Variants in LINGO2 observed in about 807,000 individuals in gnomAD.
LINGO2 encodes leucine-rich repeat and immunoglobulin-like domain-containing nogo receptor-interacting protein 2.
In LINGO2, 14 loss-of-function variants were observed where a neutral mutation model predicts 30.6. The ratio of observed to expected loss-of-function variants is 0.46; its 90% CI spans 0.30 to 0.72. The LOEUF (loss-of-function observed/expected upper bound fraction) is 0.72, where lower values mean the gene tolerates loss of function less well. LINGO2 is among the 30% of genes least tolerant of loss of function. The pLI is 0.07. For missense variants in LINGO2, 729 were observed against 751.7 expected (o/e 0.97, Z 0.35); for synonymous variants, 317 against 288.5 (o/e 1.10, Z -1.00).
At chr9:28,088,840 C>T (rs892474280) in intron 4 of LINGO2, among the ~76,000 whole-genome samples, 7 of 151,964 alleles carry the variant, frequency 4.6e-5, no homozygotes, top group Non-Finnish European at 8.8e-5. Flanking sequence ...CAGAGACACA[C>T]ATAGACTCAA....
At chr9:28,741,258 C>T in the LINGO2 span, among the ~76,000 whole-genome samples, 1 of 151,880 alleles carries the variant, frequency 6.6e-6, no homozygotes, top group Non-Finnish European at 1.5e-5. Flanking sequence ...CCATAGGTGC[C>T]AACGTGGTGC....
chr9:28,190,961 C>G (rs1029890127), intron 4 of LINGO2, among the ~76,000 whole-genome samples: 1 of 152,166 alleles, frequency 6.6e-6, no homozygotes, highest in African/African-American at 2.4e-5. Context: ...AAATAATTTG[C>G]AATTGTGTAA....
chr9:28,011,395 A>G (rs1822546593), intron 5 of LINGO2, among the ~76,000 whole-genome samples: 1 of 152,258 alleles, frequency 6.6e-6, no homozygotes, highest in African/African-American at 2.4e-5. Flanking sequence ...TAGCAAGAAT[A>G]GAGAGTACAG....
intron 1 of LINGO2, among the ~76,000 whole-genome samples, chr9:28,577,648 C>A (rs1587898081): frequency 6.6e-6 from 1 of 152,154 alleles, no homozygotes; most frequent in African/African-American, 2.4e-5. Flanking sequence ...GGGCAGCAGG[C>A]AAGATGAAAC....
At chr9:29,065,704 T>A in the LINGO2 span, among the ~76,000 whole-genome samples, 7 of 151,920 alleles carry the variant, frequency 4.6e-5, no homozygotes, top group African/African-American at 1.2e-4. Context: ...GGCTTCAACC[T>A]CATTCAACAA....
At chr9:28,374,517 G>A (rs1821044860) in intron 2 of LINGO2, among the ~76,000 whole-genome samples, 1 of 152,006 alleles carries the variant, frequency 6.6e-6, no homozygotes, top group Non-Finnish European at 1.5e-5. Context: ...CTTATTAGGT[G>A]GGTCCCTAGA....
In LINGO2 at chr9:28,293,631, C is replaced by A. The variant is rs146505618; in HGVS notation, c.-87+1577G>T. On this transcript the variant is annotated intron_variant, in intron 4 of 5. Transcript: ENST00000379992. Reference sequence around the variant, plus strand: ...ATGGTATTGTCCAATTCTTCTAAATCCTTGCTGATTTTCTGTCTGCTGGTT... The same window carrying A: ...ATGGTATTGTCCAATTCTTCTAAATACTTGCTGATTTTCTGTCTGCTGGTT... 1.7e-3 allele frequency among the ~76,000 whole-genome samples: 264 copies of A among 152,002 alleles called. 1 individual carries two copies. The highest frequency in any genetic ancestry group is 6.2e-3 in the African/African-American group (256 of 41,468).
At chr9:28,856,843 G>A in the LINGO2 span, among the ~76,000 whole-genome samples, 4 of 152,106 alleles carry the variant, frequency 2.6e-5, no homozygotes, top group South Asian at 8.3e-4. Context: ...AATGATATTA[G>A]TCTGGCTAAA....
At chr9:28,213,502 T>C (rs1024647817) in intron 4 of LINGO2, among the ~76,000 whole-genome samples, 6 of 151,502 alleles carry the variant, frequency 4.0e-5, no homozygotes, top group African/African-American at 1.5e-4. Context: ...AATTATCTAT[T>C]TGGCAACTAG....
chr9:28,915,080 C>T, the LINGO2 span, among the ~76,000 whole-genome samples: 2,031 of 152,154 alleles, frequency 0.013, 30 homozygotes, highest in African/African-American at 0.045. Flanking sequence ...TGCAGTAAGC[C>T]GAGATCATGC....
chr9:28,301,701 C>T (rs537846600), intron 3 of LINGO2, among the ~76,000 whole-genome samples: 9 of 152,248 alleles, frequency 5.9e-5, no homozygotes, highest in African/African-American at 2.2e-4. Flanking sequence ...GAAAATGATT[C>T]TTCCATGAAT....
chr9:28,479,608 C>A (rs1825858593), intron 1 of LINGO2, among the ~76,000 whole-genome samples: 2 of 151,484 alleles, frequency 1.3e-5, no homozygotes, highest in South Asian at 2.1e-4. Context: ...AATGGCAGAC[C>A]CATGTAATAC....
chr9:28,519,087 CGGT>C (rs1395050062), intron 1 of LINGO2, among the ~76,000 whole-genome samples: 1 of 152,044 alleles, frequency 6.6e-6, no homozygotes, highest in Non-Finnish European at 1.5e-5. Flanking sequence ...GGCTGGAGTG[CGGT>C]GGTATGATCA....
At chr9:28,691,721 A>G in the LINGO2 span, among the ~76,000 whole-genome samples, 1 of 152,188 alleles carries the variant, frequency 6.6e-6, no homozygotes, top group East Asian at 1.9e-4. Flanking sequence ...TTTTATTAAA[A>G]TAATTCATAT....
At chr9:28,338,022 A>G (rs1370109918) in intron 3 of LINGO2, among the ~76,000 whole-genome samples, 1 of 152,184 alleles carries the variant, frequency 6.6e-6, no homozygotes, top group Non-Finnish European at 1.5e-5. Context: ...ATCCACTGAC[A>G]GCATGTACCA....
At chr9:29,156,884 T>G in the LINGO2 span, among the ~76,000 whole-genome samples, 1 of 152,034 alleles carries the variant, frequency 6.6e-6, no homozygotes, top group Admixed American at 6.6e-5. Flanking sequence ...ATCTAAATAT[T>G]AAGCCCAAAA....
the LINGO2 span, among the ~76,000 whole-genome samples, chr9:28,993,155 TA>T: frequency 2.0e-5 from 3 of 151,840 alleles, no homozygotes; most frequent in Non-Finnish European, 4.4e-5. Flanking sequence ...AAGAATCAAA[TA>T]GACACAATAA....
intron 4 of LINGO2, among the ~76,000 whole-genome samples, chr9:28,217,495 TG>T (rs1820809587): frequency 6.6e-6 from 1 of 152,078 alleles, no homozygotes; most frequent in African/African-American, 2.4e-5. Flanking sequence ...CCCTTATGCA[TG>T]ACTGTTTTCA....
chr9:28,871,528 T>G, the LINGO2 span, among the ~76,000 whole-genome samples: 40 of 151,782 alleles, frequency 2.6e-4, no homozygotes, highest in African/African-American at 9.2e-4. Context: ...AGCATTAAAA[T>G]ATAGAAAATA....
Sources: gnomAD v4.1 joint callset for allele counts (sites outside exome capture counted in the v4.1 genomes callset) on GRCh38, gnomAD v4.1.1 for gene constraint, MANE v1.5 for transcripts, NCBI Gene and HGNC (gene_info 2026-07-23, HGNC 2026-07-21) for gene names.